Variants in MYO18B observed in about 807,000 individuals in gnomAD.
MYO18B encodes the protein unconventional myosin-XVIIIb.
In MYO18B, 204 loss-of-function variants were observed where a neutral mutation model predicts 273.0. That is an observed-to-expected ratio of 0.75 (90% CI 0.67 to 0.84). The LOEUF is 0.84. MYO18B is among the 40% of genes least tolerant of loss of function. The probability of loss-of-function intolerance (pLI) is 0.00; values close to 1 mark genes in which losing one functional copy is unlikely to be tolerated. For missense variants in MYO18B, 3,212 were observed against 3,287.6 expected, an observed-to-expected ratio of 0.98 and a Z score of 0.56; for synonymous variants, 1,330 against 1,305.7, an observed-to-expected ratio of 1.02 and a Z score of -0.40.
rs58746292 is a variant in MYO18B, at chr22:25,768,888, A to T, written c.972A>T (p.Arg324Ser). ...PGRKWGGFLG[R>S]RSKWDGPQNK... ...GAAAGTGGGGAGGTTTCCTGGGAAG[A>T]AGGAGTAAGTGGGACGGTCCCCAGA... The change falls in exon 4 of 44, where the codon AGA (arginine) becomes AGT (serine). Residue 324 changes from arginine to serine, a missense_variant. Physicochemically the swap from Arg to Ser is moderately radical, Grantham distance 110 (BLOSUM62 -1). Transcript: ENST00000335473. The T allele has an allele frequency of 2.5e-3, 4,099 of 1,613,112 alleles. 83 individuals carry two copies. The African/African-American group carries it at 0.047, about 18-fold the overall frequency.
intron 29 of MYO18B, 141 bp downstream of exon 29, chr22:25,898,602 A>T: frequency 1.2e-6 from 1 of 844,754 alleles, no homozygotes; most frequent in Non-Finnish European, 1.8e-6. Context: ...GTCCCGTCAC[A>T]CCTTATTCCT....
chr22:25,785,197 T>C (rs77765783), intron 10 of MYO18B, among the ~76,000 whole-genome samples: 4,106 of 152,266 alleles, frequency 0.027, 86 homozygotes, highest in Non-Finnish European at 0.039. Flanking sequence ...TACAACCCTT[T>C]CTCCTGGGAT....
chr22:25,927,473 G>A (rs547900631), intron 34 of MYO18B, among the ~76,000 whole-genome samples: 1 of 152,220 alleles, frequency 6.6e-6, no homozygotes, highest in South Asian at 2.1e-4. Context: ...ATAAATTTTG[G>A]TCAGACCGGT....
At chr22:25,955,043 G>A in intron 38 of MYO18B, 136 bp from the exon 39 acceptor site, 1 of 926,048 alleles carries the variant, frequency 1.1e-6, no homozygotes. Flanking sequence ...CTTCATTTTT[G>A]TAGCAGACAT....
rs530758442 is a variant in MYO18B at position 25,864,712 on chromosome 22, C to T, written c.3886-3608C>T. 1.7e-4 allele frequency among the ~76,000 whole-genome samples: 26 copies of T among 152,330 alleles called. No individual in the cohort carries two copies. In the South Asian group the frequency reaches 5.4e-3, roughly 32 times the overall value. ...CTGTAAAATGGGCATGAATTAGTAC[C>T]TGCTGCAGAAAGTTGGAAACAAAAC... is the stretch of plus-strand genomic sequence containing the variant. On this transcript the variant is annotated intron_variant, in intron 21 of 43. Coordinates refer to ENST00000335473, the MANE Select transcript of MYO18B (RefSeq NM_032608.7).
chr22:25,818,375 G>A (rs1223123497), intron 12 of MYO18B, among the ~76,000 whole-genome samples: 1 of 152,174 alleles, frequency 6.6e-6, no homozygotes, highest in African/African-American at 2.4e-5. Context: ...GGTTCCTTGA[G>A]CATGGAGCCT....
At chr22:25,875,024 C>T (rs2091152670) in intron 23 of MYO18B, among the ~76,000 whole-genome samples, 1 of 152,250 alleles carries the variant, frequency 6.6e-6, no homozygotes, top group Non-Finnish European at 1.5e-5. Context: ...TTAATTACTG[C>T]TACTACTAGA....
intron 42 of MYO18B, among the ~76,000 whole-genome samples, chr22:26,007,125 A>AT (rs1301720949): frequency 6.6e-6 from 1 of 151,992 alleles, no homozygotes; most frequent in African/African-American, 2.4e-5. Context: ...AAGAACAGGG[A>AT]GGGGGCAGGA....
chr22:25,923,603 T>C (rs2092379588), intron 34 of MYO18B, among the ~76,000 whole-genome samples: 1 of 152,214 alleles, frequency 6.6e-6, no homozygotes, highest in Non-Finnish European at 1.5e-5. Context: ...AGAGATGCTT[T>C]TGACTCACAT....
rs968377861 is a variant in MYO18B at position 25,985,637 on chromosome 22, A to G, written c.6157-6726A>G. On this transcript the variant is annotated intron_variant, in intron 39 of 43. Coordinates refer to ENST00000335473, the MANE Select transcript of MYO18B (RefSeq NM_032608.7). ...AATTCACAGGGCGTTTTTTATTTTT[A>G]TTTTTTTTTTGAGATGGAGTCTCGC... Among the ~76,000 whole-genome samples the G allele has an allele frequency of 2.0e-5, 3 of 146,624 alleles. No homozygotes were observed. In the Admixed American group the frequency reaches 2.1e-4, roughly 10 times the overall value.
chr22:25,870,652 T>A (rs1243818929), intron 22 of MYO18B, among the ~76,000 whole-genome samples: 2 of 152,188 alleles, frequency 1.3e-5, no homozygotes, highest in African/African-American at 2.4e-5. Flanking sequence ...AGGAACTTCA[T>A]CCTTCTAGAC....
intron 39 of MYO18B, among the ~76,000 whole-genome samples, chr22:25,974,928 A>C (rs910505815): frequency 1.3e-5 from 2 of 152,188 alleles, no homozygotes; most frequent in Non-Finnish European, 2.9e-5. Flanking sequence ...GCTGTGACCA[A>C]AGCGATCCCT....
intron 34 of MYO18B, among the ~76,000 whole-genome samples, chr22:25,940,827 A>T (rs944867366): frequency 2.0e-5 from 3 of 152,214 alleles, no homozygotes; most frequent in Non-Finnish European, 4.4e-5. Flanking sequence ...TAAGATCTGA[A>T]GCATGTTTCC....
chr22:25,971,946 CAAA>C (rs112080760), intron 39 of MYO18B, among the ~76,000 whole-genome samples: 1 of 143,846 alleles, frequency 7.0e-6, no homozygotes, highest in Non-Finnish European at 1.5e-5. Context: ...CCTGAAAGGG[CAAA>C]AAAAAAAAAT....
In MYO18B at chr22:25,891,349, C is replaced by A; in HGVS notation, c.4480C>A (p.Gln1494Lys). 1 of 1,584,812 alleles carries A rather than the reference C, an allele frequency of 6.3e-7. No individual in the cohort carries two copies. Among genetic ancestry groups the A allele is most frequent in the Non-Finnish European group, 8.6e-7 (1 of 1,165,206 alleles). The change falls in exon 27 of 44, where the codon CAG becomes AAG. Residue 1494 changes from glutamine (Q) to lysine (K), a missense_variant. By Grantham distance (53) the Gln-to-Lys change is moderately conservative (BLOSUM62 1). Coordinates refer to ENST00000335473, the MANE Select transcript of MYO18B (RefSeq NM_032608.7). Reference protein sequence around the residue: ...VQKKLGDVNKQLEEAQQKIQL... With the variant: ...VQKKLGDVNKKLEEAQQKIQL... ...GAAAAAACTGGGAGATGTGAATAAACAGTTGGAAGAAGCCCAGCAGAAAAT... is the reference window on the plus strand; with the variant it reads ...GAAAAAACTGGGAGATGTGAATAAAAAGTTGGAAGAAGCCCAGCAGAAAAT...
rs764469212 is a variant in MYO18B at position 25,835,300 on chromosome 22, G to A, written c.3065G>A (p.Arg1022His). The A allele has an allele frequency of 1.7e-5, 28 of 1,613,384 alleles. No homozygotes were observed. Among genetic ancestry groups the A allele is most frequent in the Middle Eastern group, 1.6e-4 (1 of 6,084 alleles). ...GAATCCTGGTTCTCCCAGCAGGTCC[G>A]CTTACCAGCTGGAGGAGGTGCCCAG... The part of the protein sequence containing the change: ...AVVDQNPSQV[R>H]LPAGGGAQDA... Residue 1022 changes from arginine to histidine, a missense_variant, in exon 17 of 44, where the codon CGC (arginine) becomes CAC (histidine). Physicochemically the swap from Arg to His is conservative, Grantham distance 29. Coordinates refer to ENST00000335473, the MANE Select transcript of MYO18B (RefSeq NM_032608.7).
In MYO18B at chr22:26,027,705, C is replaced by A; in HGVS notation, c.*12+15C>A. On this transcript the variant is annotated intron_variant, in intron 43 of 43. Coordinates refer to ENST00000335473, the MANE Select transcript of MYO18B (RefSeq NM_032608.7). The surrounding 1 kb of genome is among the most constrained non-coding windows in gnomAD (Gnocchi z 4.1). ...AACCAGTTCAGGTAAAAGCAACAGG[C>A]TGGGGCTATTCTTGGGGGAATGAGA... is the stretch of plus-strand genomic sequence containing the variant. The A allele has an allele frequency of 1.3e-6, 2 of 1,577,192 alleles. No individual in the cohort carries two copies. The highest frequency in any genetic ancestry group is 1.2e-5 in the South Asian group (1 of 84,002).
chr22:25,906,634 T>A (rs2092049869), intron 31 of MYO18B, among the ~76,000 whole-genome samples: 1 of 152,204 alleles, frequency 6.6e-6, no homozygotes, highest in Non-Finnish European at 1.5e-5. Context: ...TAGTCTGTTT[T>A]CACACTGCTG....
chr22:25,841,062 TC>T (rs1471411380), intron 17 of MYO18B, among the ~76,000 whole-genome samples: 1 of 152,228 alleles, frequency 6.6e-6, no homozygotes, highest in African/African-American at 2.4e-5. Context: ...GGCTCGCTGT[TC>T]ATGACCTCAT....
Sources: gnomAD v4.1 joint callset for allele counts (sites outside exome capture counted in the v4.1 genomes callset) on GRCh38, gnomAD v4.1.1 for gene constraint, Gnocchi (gnomAD v3.1) non-coding constraint, MANE v1.5 for transcripts, NCBI Gene and HGNC (gene_info 2026-07-23, HGNC 2026-07-21) for gene names.